IQCM: variants seen among roughly 807,000 people sequenced by gnomAD.
IQCM encodes IQ motif containing M.
In IQCM, 45 loss-of-function variants were observed where a neutral mutation model predicts 57.6. The observed-to-expected ratio is 0.78, with a 90% CI of 0.62 to 1.00. IQCM has a LOEUF of 1.00. Among genes scored for constraint, IQCM ranks in the 50% least tolerant of loss-of-function variants. The pLI is 0.00. For synonymous variants in IQCM, 148 were observed against 158.9 expected (o/e 0.93, Z 0.51); for missense variants, 468 against 511.6 (o/e 0.91, Z 0.82).
chr4:149,652,288 G>A (rs1468401600), intron 7 of IQCM, among the ~76,000 whole-genome samples: 1 of 151,976 alleles, frequency 6.6e-6, no homozygotes, highest in East Asian at 1.9e-4. Flanking sequence ...ACATGCCAGG[G>A]CCTGTTGAGG....
intron 7 of IQCM, among the ~76,000 whole-genome samples, chr4:149,625,203 A>C (rs1756691275): frequency 6.6e-6 from 1 of 152,210 alleles, no homozygotes; most frequent in Non-Finnish European, 1.5e-5. Context: ...AGAATTAATG[A>C]CTGAAATGTC....
rs552912893 is a variant in IQCM, at chr4:149,457,598, G to GA, written c.1229-24042dup. 2.7e-3 allele frequency among the ~76,000 whole-genome samples: 402 copies of GA among 148,810 alleles called. 1 individual carries two copies. Among genetic ancestry groups the GA allele is most frequent in the Non-Finnish European group, 4.8e-3 (321 of 66,870 alleles). On this transcript the variant is annotated intron_variant, in intron 12 of 13. Transcript: ENST00000636793. Reference sequence around the variant, plus strand: ...TTGTTTTGCTACTAGCCTAAGAAAAGAAAAAAAAAGACTTATCAGAGGTTG... The same window carrying GA: ...TTGTTTTGCTACTAGCCTAAGAAAAGAAAAAAAAAAGACTTATCAGAGGTTG...
At chr4:149,524,545 G>A (rs1439134726) in intron 12 of IQCM, among the ~76,000 whole-genome samples, 3 of 151,890 alleles carry the variant, frequency 2.0e-5, no homozygotes, top group Non-Finnish European at 4.4e-5. Flanking sequence ...TAGAGTGATA[G>A]CTAGAACAAA....
intron 12 of IQCM, among the ~76,000 whole-genome samples, chr4:149,547,728 C>A (rs1165576692): frequency 6.6e-6 from 1 of 152,064 alleles, no homozygotes; most frequent in African/African-American, 2.4e-5. Context: ...TTGTAGTAGT[C>A]ATTACACAAT....
At chr4:149,510,132 T>C (rs1359790870) in intron 12 of IQCM, among the ~76,000 whole-genome samples, 1 of 152,156 alleles carries the variant, frequency 6.6e-6, no homozygotes, top group Admixed American at 6.5e-5. Flanking sequence ...TTTGGAATCC[T>C]TGTTAACACC....
At chr4:149,647,995 T>G (rs1264272141) in intron 7 of IQCM, among the ~76,000 whole-genome samples, 3 of 152,210 alleles carry the variant, frequency 2.0e-5, no homozygotes, top group Non-Finnish European at 4.4e-5. Flanking sequence ...TTACCTCTTC[T>G]CTACTGCATC....
intron 2 of IQCM, among the ~76,000 whole-genome samples, chr4:149,777,553 T>C (rs190836047): frequency 1.8e-4 from 28 of 152,308 alleles, no homozygotes; most frequent in Non-Finnish European, 2.9e-5. Context: ...TTTCATTTCA[T>C]TGTTGTGTTG....
intron 7 of IQCM, among the ~76,000 whole-genome samples, chr4:149,667,783 T>C (rs904435831): frequency 1.3e-5 from 2 of 151,676 alleles, no homozygotes; most frequent in African/African-American, 2.4e-5. Context: ...TCGTGAAGCA[T>C]ACACAAGTAT....
At chr4:149,667,665 GGAAGCTAA>G (rs1221238525) in intron 7 of IQCM, among the ~76,000 whole-genome samples, 7 of 152,062 alleles carry the variant, frequency 4.6e-5, no homozygotes, top group African/African-American at 1.7e-4. Context: ...CCCAATGCAA[GGAAGCTAA>G]GAACCTTGAT....
chr4:149,585,316 T>C (rs1752556208), intron 9 of IQCM, among the ~76,000 whole-genome samples: 1 of 151,632 alleles, frequency 6.6e-6, no homozygotes, highest in African/African-American at 2.4e-5. Flanking sequence ...ATATGGGAAA[T>C]TCCTCTGTAA....
At chr4:149,770,231 T>C (rs1236174749) in intron 2 of IQCM, among the ~76,000 whole-genome samples, 2 of 152,004 alleles carry the variant, frequency 1.3e-5, no homozygotes, top group Non-Finnish European at 2.9e-5. Flanking sequence ...AATGGTATTC[T>C]AAAAGATACC....
chr4:149,486,017 G>GTCTCTCTCTCTCTCTCTCTCTC (rs71596213), intron 12 of IQCM, among the ~76,000 whole-genome samples: 91 of 121,676 alleles, frequency 7.5e-4, no homozygotes, highest in Admixed American at 9.6e-4. Context: ...AGCAAACAGA[G>GTCTCTCTCTCTCTCTCTCTCTC]TCTCTCTCTC....
chr4:149,393,189 A>G (rs959120232), intron 13 of IQCM, among the ~76,000 whole-genome samples: 11 of 152,022 alleles, frequency 7.2e-5, no homozygotes, highest in Non-Finnish European at 1.6e-4. Flanking sequence ...ATATATACGC[A>G]TATATAAATA....
At chr4:149,467,360 T>C (rs953709365) in intron 12 of IQCM, among the ~76,000 whole-genome samples, 4 of 152,196 alleles carry the variant, frequency 2.6e-5, no homozygotes, top group Non-Finnish European at 5.9e-5. Flanking sequence ...CATTTGTTTA[T>C]TCGTAATAAC....
chr4:149,565,686 C>A (rs779945597), intron 9 of IQCM, among the ~76,000 whole-genome samples: 9 of 152,094 alleles, frequency 5.9e-5, no homozygotes, highest in Non-Finnish European at 1.2e-4. Context: ...CTGCAATGAA[C>A]CAGTGAGATT....
intron 8 of IQCM, among the ~76,000 whole-genome samples, chr4:149,595,245 A>G (rs1753653217): frequency 6.6e-6 from 1 of 152,014 alleles, no homozygotes; most frequent in Admixed American, 6.6e-5. Context: ...TTGTTGGTTT[A>G]AAGTCTGTTT....
intron 2 of IQCM, among the ~76,000 whole-genome samples, chr4:149,809,997 T>C (rs1337690307): frequency 6.6e-6 from 1 of 151,524 alleles, no homozygotes; most frequent in Non-Finnish European, 1.5e-5. Flanking sequence ...TTCTTTCCTC[T>C]CTCTCTCTCT....
At chr4:149,426,898 G>A (rs1734498989) in intron 13 of IQCM, among the ~76,000 whole-genome samples, 1 of 151,894 alleles carries the variant, frequency 6.6e-6, no homozygotes, top group South Asian at 2.1e-4. Context: ...CCACATCCTT[G>A]GAGCCATCTT....
chr4:149,726,071 A>AAAG, intron 5 of IQCM, among the ~76,000 whole-genome samples: 2 of 94,790 alleles, frequency 2.1e-5, no homozygotes, highest in South Asian at 7.5e-4. Context: ...TCTTCCCTCT[A>AAAG]AAAGAAAGAA....
Sources: allele counts gnomAD v4.1 joint callset (sites outside exome capture counted in the v4.1 genomes callset), GRCh38; gene constraint gnomAD v4.1.1; transcripts MANE v1.5; gene names NCBI Gene and HGNC (gene_info 2026-07-23, HGNC 2026-07-21).